The following SLC9A9 variants were observed in gnomAD, a reference collection of about 807,000 sequenced individuals.
The protein encoded by SLC9A9 is sodium/hydrogen exchanger 9.
In SLC9A9, 62 loss-of-function variants were observed where a neutral mutation model predicts 77.8. The ratio of observed to expected loss-of-function variants is 0.80; its 90% CI spans 0.65 to 0.98. The LOEUF is 0.98. Ranked by LOEUF, SLC9A9 falls within the 50% of genes least tolerant of loss-of-function variation. The pLI is 0.00. For missense variants in SLC9A9, 775 were observed against 774.9 expected (o/e 1.00, Z 0.00); for synonymous variants, 320 against 283.5 (o/e 1.13, Z -1.29).
chr3:143,451,688 T>C (rs1231366744), intron 12 of SLC9A9, among the ~76,000 whole-genome samples: 1 of 152,118 alleles, frequency 6.6e-6, no homozygotes, highest in Non-Finnish European at 1.5e-5. Flanking sequence ...AGGACTTTTC[T>C]ATATTGCTTT....
At chr3:143,605,335 A>G (rs2037903426) in intron 6 of SLC9A9, among the ~76,000 whole-genome samples, 1 of 152,190 alleles carries the variant, frequency 6.6e-6, no homozygotes, top group Admixed American at 6.5e-5. Flanking sequence ...AGAAGTTGCC[A>G]ACTCAGGTGC....
intron 14 of SLC9A9, among the ~76,000 whole-genome samples, chr3:143,332,949 G>T (rs982328148): frequency 1.3e-5 from 2 of 152,142 alleles, no homozygotes; most frequent in African/African-American, 4.8e-5. Flanking sequence ...TACAGATAAG[G>T]TAACAAAGTG....
chr3:143,517,458 G>C, intron 9 of SLC9A9: 1 of 1,597,402 alleles, frequency 6.3e-7, no homozygotes, highest in Non-Finnish European at 8.5e-7. Flanking sequence ...TGCTCCTCTT[G>C]AGCCTTCTTA....
chr3:143,783,742 G>A (rs770661358), intron 4 of SLC9A9, among the ~76,000 whole-genome samples: 1 of 152,146 alleles, frequency 6.6e-6, no homozygotes, highest in Non-Finnish European at 1.5e-5. Flanking sequence ...AAAGAGAATA[G>A]AGAAGAGCAA....
chr3:143,326,745 T>A (rs1397836553), intron 14 of SLC9A9, among the ~76,000 whole-genome samples: 2 of 152,226 alleles, frequency 1.3e-5, no homozygotes, highest in Non-Finnish European at 2.9e-5. Flanking sequence ...TTGAGTTTTG[T>A]TTTCTCCCCC....
At chr3:143,741,849 C>T (rs940706226) in intron 4 of SLC9A9, among the ~76,000 whole-genome samples, 1 of 152,134 alleles carries the variant, frequency 6.6e-6, no homozygotes, top group Non-Finnish European at 1.5e-5. Flanking sequence ...CTTCTAACCT[C>T]CAAGCTGCCC....
intron 14 of SLC9A9, among the ~76,000 whole-genome samples, chr3:143,326,048 TGTGA>T (rs1467876082): frequency 5.3e-5 from 8 of 152,354 alleles, no homozygotes; most frequent in South Asian, 2.1e-4. Flanking sequence ...TTCATTTGTA[TGTGA>T]GTATTTGTAA....
At chr3:143,594,032 AT>A (rs2037708630) in intron 6 of SLC9A9, among the ~76,000 whole-genome samples, 1 of 152,138 alleles carries the variant, frequency 6.6e-6, no homozygotes, top group Non-Finnish European at 1.5e-5. Context: ...GAAGGAGGGT[AT>A]TGGTTCTGTT....
At chr3:143,429,333 G>A (rs1457245245) in intron 12 of SLC9A9, among the ~76,000 whole-genome samples, 1 of 152,212 alleles carries the variant, frequency 6.6e-6, no homozygotes, top group Non-Finnish European at 1.5e-5. Flanking sequence ...AGGCAGCTAT[G>A]GTAGGCTGTG....
At chr3:143,584,740 T>C (rs2037513888) in intron 6 of SLC9A9, among the ~76,000 whole-genome samples, 1 of 152,204 alleles carries the variant, frequency 6.6e-6, no homozygotes, top group South Asian at 2.1e-4. Flanking sequence ...TTGTGCTGGG[T>C]AAGTAGTTCC....
intron 11 of SLC9A9, among the ~76,000 whole-genome samples, chr3:143,470,254 G>A (rs2035355392): frequency 6.6e-6 from 1 of 151,914 alleles, no homozygotes; most frequent in African/African-American, 2.4e-5. Flanking sequence ...GGCGGGTGGT[G>A]GATTACCTGA....
At chr3:143,757,748 G>A (rs921365752) in intron 4 of SLC9A9, among the ~76,000 whole-genome samples, 2 of 151,930 alleles carry the variant, frequency 1.3e-5, no homozygotes, top group Non-Finnish European at 2.9e-5. Context: ...GTTTCACCTC[G>A]TATTTTTGCT....
intron 4 of SLC9A9, among the ~76,000 whole-genome samples, chr3:143,774,048 G>A (rs1296965206): frequency 6.6e-6 from 1 of 152,088 alleles, no homozygotes; most frequent in Admixed American, 6.5e-5. Context: ...CAAATAAGGG[G>A]ATAATTTAAA....
At chr3:143,375,886 T>C (rs1193986070) in intron 13 of SLC9A9, among the ~76,000 whole-genome samples, 1 of 152,214 alleles carries the variant, frequency 6.6e-6, no homozygotes, top group African/African-American at 2.4e-5. Context: ...ACTTGCACCT[T>C]TGCTATTTCT....
rs552165150 is a variant in SLC9A9, at chr3:143,378,540, T to A, written c.1524+3520A>T. The stretch of plus-strand genomic sequence containing the variant: ...GAATATGGGAGTGAGTACGATCAAA[T>A]GGCAAAAGGGAAAAAGAGAAGCAAT... On this transcript the variant is annotated intron_variant, in intron 13 of 15. Coordinates refer to ENST00000316549, the MANE Select transcript of SLC9A9 (RefSeq NM_173653.4). Among the ~76,000 whole-genome samples, 3 of 152,264 alleles carry A rather than the reference T, an allele frequency of 2.0e-5. No homozygotes were observed. In the East Asian group the frequency reaches 5.8e-4, roughly 29 times the overall value.
At chr3:143,513,467 G>A (rs1486084022) in intron 9 of SLC9A9, among the ~76,000 whole-genome samples, 4 of 152,128 alleles carry the variant, frequency 2.6e-5, no homozygotes, top group Admixed American at 2.6e-4. Context: ...TTCCCCCACT[G>A]AAGTCTTGTA....
chr3:143,773,202 G>T (rs1173573467), intron 4 of SLC9A9, among the ~76,000 whole-genome samples: 1 of 152,144 alleles, frequency 6.6e-6, no homozygotes, highest in South Asian at 2.1e-4. Context: ...GAAAAGCCCT[G>T]ATTTGTAGCA....
chr3:143,498,484 G>A (rs532522037), intron 9 of SLC9A9, among the ~76,000 whole-genome samples: 1 of 151,446 alleles, frequency 6.6e-6, no homozygotes, highest in Non-Finnish European at 1.5e-5. Context: ...AACCCAGGAG[G>A]TGGACGCTGC....
chr3:143,790,589 G>A (rs2008189796), intron 4 of SLC9A9, among the ~76,000 whole-genome samples: 1 of 152,204 alleles, frequency 6.6e-6, no homozygotes, highest in Non-Finnish European at 1.5e-5. Context: ...GAGATTCTAA[G>A]AGCATGTGTT....
Sources: allele counts gnomAD v4.1 joint callset (sites outside exome capture counted in the v4.1 genomes callset), GRCh38; gene constraint gnomAD v4.1.1; transcripts MANE v1.5; gene names NCBI Gene and HGNC (gene_info 2026-07-23, HGNC 2026-07-21).